RGS7BP: variants seen among roughly 807,000 people sequenced by gnomAD.
RGS7BP encodes the protein regulator of G protein signaling 7 binding protein.
Under a neutral mutation model 31.3 loss-of-function variants are expected in RGS7BP, and 9 were observed. That is an observed-to-expected ratio of 0.29 (90% confidence interval 0.17 to 0.50). RGS7BP has a LOEUF of 0.50. Among genes scored for constraint, RGS7BP ranks in the 20% least tolerant of loss-of-function variants. The pLI is 0.98. For missense variants in RGS7BP, 274 were observed against 322.0 expected (o/e 0.85, Z 1.14); for synonymous variants, 115 against 120.1 (o/e 0.96, Z 0.28).
chr5:64,507,039 C>G (rs1397835786), intron 1 of RGS7BP, among the ~76,000 whole-genome samples: 5 of 152,154 alleles, frequency 3.3e-5, no homozygotes, highest in Non-Finnish European at 7.4e-5. Context: ...TAGGTTGTGC[C>G]TGTACCCCCT....
intron 2 of RGS7BP, among the ~76,000 whole-genome samples, chr5:64,508,167 G>T (rs1247117386): frequency 6.6e-6 from 1 of 152,050 alleles, no homozygotes; most frequent in African/African-American, 2.4e-5. Context: ...TAAGATTTGG[G>T]GTGGATGGCT....
chr5:64,534,370 A>G (rs1749452221), intron 2 of RGS7BP, among the ~76,000 whole-genome samples: 1 of 152,218 alleles, frequency 6.6e-6, no homozygotes, highest in Non-Finnish European at 1.5e-5. Context: ...AAATGCAGTG[A>G]AAAGCCACTG....
intron 2 of RGS7BP, among the ~76,000 whole-genome samples, chr5:64,543,156 T>A (rs530311638): frequency 6.6e-6 from 1 of 152,382 alleles, no homozygotes; most frequent in South Asian, 2.1e-4. Flanking sequence ...AGGAGACTTA[T>A]GTTAGAAAAG....
chr5:64,516,475 C>T (rs958634316), intron 2 of RGS7BP, among the ~76,000 whole-genome samples: 1 of 152,182 alleles, frequency 6.6e-6, no homozygotes, highest in Non-Finnish European at 1.5e-5. Context: ...AGTTCAGTCT[C>T]TCACCTCTTC....
At chr5:64,595,790 C>T (rs954611907) in intron 4 of RGS7BP, among the ~76,000 whole-genome samples, 3 of 151,978 alleles carry the variant, frequency 2.0e-5, no homozygotes, top group African/African-American at 7.2e-5. Flanking sequence ...AGAAATGTAA[C>T]ACACAATGGC....
Position 64,561,851 on chromosome 5 carries a change from C to T in RGS7BP, c.333-13923C>T, listed in dbSNP as rs539950017. Among the ~76,000 whole-genome samples the T allele has an allele frequency of 1.2e-3, 179 of 148,134 alleles. 1 individual carries two copies. In the Middle Eastern group the frequency reaches 0.041, roughly 34 times the overall value. On this transcript the variant is annotated intron_variant, in intron 2 of 5. Coordinates refer to ENST00000334025, the MANE Select transcript of RGS7BP (RefSeq NM_001029875.3). ...TATCTCCTCCTGCCCATATGTCTGTCTGCCTGAAGAGCTATTTCCGTTCTT... is the reference window on the plus strand; with the variant it reads ...TATCTCCTCCTGCCCATATGTCTGTTTGCCTGAAGAGCTATTTCCGTTCTT...
chr5:64,512,647 A>T (rs191843046), intron 2 of RGS7BP, among the ~76,000 whole-genome samples: 66 of 152,352 alleles, frequency 4.3e-4, no homozygotes, highest in Non-Finnish European at 8.2e-4. Flanking sequence ...ACATTTAAAA[A>T]TTCAGATTGC....
intron 2 of RGS7BP, among the ~76,000 whole-genome samples, chr5:64,512,791 G>A (rs1748872559): frequency 6.6e-6 from 1 of 151,984 alleles, no homozygotes; most frequent in Non-Finnish European, 1.5e-5. Context: ...TTTCCCAGAT[G>A]GCTATCAAAA....
intron 3 of RGS7BP, among the ~76,000 whole-genome samples, chr5:64,591,573 A>G (rs1742916583): frequency 6.6e-6 from 1 of 152,072 alleles, no homozygotes; most frequent in African/African-American, 2.4e-5. Flanking sequence ...CAATTTGGCA[A>G]TATATATTAA....
At chr5:64,601,547 T>G (rs1743217697) in intron 5 of RGS7BP, 1 of 521,148 alleles carries the variant, frequency 1.9e-6, no homozygotes, top group Non-Finnish European at 2.5e-6. Context: ...AGTTTAAGAC[T>G]GGAGGCCAAG....
chr5:64,608,576 C>T (rs1003924559), intron 5 of RGS7BP, among the ~76,000 whole-genome samples: 1 of 152,024 alleles, frequency 6.6e-6, no homozygotes, highest in Admixed American at 6.6e-5. Context: ...TAACTAAACG[C>T]TTCCTCTATG....
chr5:64,536,352 C>T (rs1741358895), intron 2 of RGS7BP, among the ~76,000 whole-genome samples: 1 of 152,168 alleles, frequency 6.6e-6, no homozygotes, highest in African/African-American at 2.4e-5. Context: ...CAATGAGCAT[C>T]AGATATCTCA....
intron 2 of RGS7BP, among the ~76,000 whole-genome samples, chr5:64,516,219 T>G (rs1748970536): frequency 6.6e-6 from 1 of 152,166 alleles, no homozygotes; most frequent in Admixed American, 6.5e-5. Flanking sequence ...CCAATCTGAG[T>G]TTGAGCACAA....
chr5:64,582,812 A>G (rs992630251), intron 3 of RGS7BP, among the ~76,000 whole-genome samples: 3 of 152,226 alleles, frequency 2.0e-5, no homozygotes, highest in African/African-American at 7.2e-5. Flanking sequence ...TAAAAACTCC[A>G]GTGTATTCAG....
chr5:64,556,602 A>G (rs567639437), intron 2 of RGS7BP, among the ~76,000 whole-genome samples: 1 of 152,124 alleles, frequency 6.6e-6, no homozygotes, highest in Non-Finnish European at 1.5e-5. Context: ...AATGACTTTA[A>G]TGTCGCCATA....
chr5:64,538,991 T>C (rs1203657062), intron 2 of RGS7BP, among the ~76,000 whole-genome samples: 2 of 152,226 alleles, frequency 1.3e-5, no homozygotes, highest in Non-Finnish European at 2.9e-5. Context: ...CCAGTTTGTT[T>C]ATCTATTCAC....
intron 2 of RGS7BP, among the ~76,000 whole-genome samples, chr5:64,524,727 C>G (rs1006494012): frequency 2.6e-5 from 4 of 152,018 alleles, no homozygotes; most frequent in African/African-American, 9.7e-5. Context: ...ATGAGCCCAC[C>G]AATCAGTCTG....
chr5:64,572,865 T>C (rs908037880), intron 2 of RGS7BP, among the ~76,000 whole-genome samples: 1 of 151,498 alleles, frequency 6.6e-6, no homozygotes, highest in African/African-American at 2.4e-5. Context: ...ATGTGCATAA[T>C]GTGCAGGTTT....
chr5:64,601,128 C>T (rs953816319), intron 5 of RGS7BP, among the ~76,000 whole-genome samples: 2 of 152,292 alleles, frequency 1.3e-5, no homozygotes, highest in East Asian at 1.9e-4. Context: ...ATGATTCTAA[C>T]GGGATGAAAA....
Sources: gnomAD v4.1 joint callset for allele counts (sites outside exome capture counted in the v4.1 genomes callset) on GRCh38, gnomAD v4.1.1 for gene constraint, MANE v1.5 for transcripts, NCBI Gene and HGNC (gene_info 2026-07-23, HGNC 2026-07-21) for gene names.